The following SOX6 variants were observed in gnomAD, a reference collection of about 807,000 sequenced individuals.
SOX6 encodes the protein SRY-box transcription factor 6.
In SOX6, 11 loss-of-function variants were observed where a neutral mutation model predicts 97.8. That is an observed-to-expected ratio of 0.11 (90% CI 0.07 to 0.19). The LOEUF (loss-of-function observed/expected upper bound fraction) is 0.19, where lower values mean the gene tolerates loss of function less well. Among genes scored for constraint, SOX6 ranks in the 10% least tolerant of loss-of-function variants. SOX6 has a pLI of 1.00. For missense variants in SOX6, 810 were observed against 1,039.5 expected (o/e 0.78, Z 3.04); for synonymous variants, 360 against 371.4 (o/e 0.97, Z 0.35).
chr11:16,608,619 C>T (rs1406481257), intron 4 of SOX6, among the ~76,000 whole-genome samples: 2 of 149,900 alleles, frequency 1.3e-5, no homozygotes, highest in African/African-American at 4.9e-5. Flanking sequence ...AAAGAAAAAG[C>T]AATTCACACA....
At chr11:16,361,339 T>G (rs1857206796), upstream of SOX6, among the ~76,000 whole-genome samples, 1 of 152,064 alleles carries the variant, frequency 6.6e-6, no homozygotes, top group Admixed American at 6.5e-5. Flanking sequence ...GTTCCAAGAT[T>G]AAACAACTCT....
At chr11:16,299,548 T>C (rs879902910) in intron 3 of SOX6, among the ~76,000 whole-genome samples, 5 of 152,204 alleles carry the variant, frequency 3.3e-5, no homozygotes, top group Non-Finnish European at 7.3e-5. Flanking sequence ...ACATTCTTTT[T>C]TTTAAAATCA....
chr11:16,234,818 C>T (rs560521366), intron 3 of SOX6, 147 bp from the exon 4 acceptor site: 33 of 462,920 alleles, frequency 7.1e-5, no homozygotes, highest in African/African-American at 5.7e-4. Context: ...TTACATTATT[C>T]TATAATGTGT....
At chr11:16,515,260 CT>C (rs1264877801) in intron 4 of SOX6, among the ~76,000 whole-genome samples, 1 of 152,102 alleles carries the variant, frequency 6.6e-6, no homozygotes, top group East Asian at 1.9e-4. Flanking sequence ...GAGATGGTAT[CT>C]CATTGTGGTT....
intron 1 of SOX6, among the ~76,000 whole-genome samples, chr11:16,415,774 C>T (rs1858913663): frequency 6.6e-6 from 1 of 152,014 alleles, no homozygotes; most frequent in Non-Finnish European, 1.5e-5. Flanking sequence ...GGGATACTAG[C>T]AAACTTCTAG....
chr11:16,062,530 T>C (rs1847985608), intron 9 of SOX6, among the ~76,000 whole-genome samples: 1 of 151,674 alleles, frequency 6.6e-6, no homozygotes, highest in Admixed American at 6.6e-5. Context: ...CAAAGTCCCA[T>C]AAACATTTAA....
rs796340852 is a variant in SOX6 at position 16,167,898 on chromosome 11, C to T, written c.777+15988G>A. ...TTACTTATCTATTTAATGCCTGCCTCCCCACAGTGGAATGTAAACTTAGCA... is the reference window on the plus strand; with the variant it reads ...TTACTTATCTATTTAATGCCTGCCTTCCCACAGTGGAATGTAAACTTAGCA... On this transcript the variant is annotated intron_variant, in intron 6 of 15. Transcript: ENST00000683767. Among the ~76,000 whole-genome samples, 15 of 152,178 alleles carry T rather than the reference C, an allele frequency of 9.9e-5. No individual in the cohort carries two copies. The South Asian group carries it at 1.4e-3, about 15-fold the overall frequency.
At chr11:16,176,759 T>C (rs897122003) in intron 6 of SOX6, among the ~76,000 whole-genome samples, 1 of 151,904 alleles carries the variant, frequency 6.6e-6, no homozygotes, top group Non-Finnish European at 1.5e-5. Context: ...TTTTGTAAAC[T>C]AGGAAACTGA....
At chr11:16,365,707 G>A (rs940988113) in intron 1 of SOX6, among the ~76,000 whole-genome samples, 2 of 152,038 alleles carry the variant, frequency 1.3e-5, no homozygotes, top group Non-Finnish European at 2.9e-5. Context: ...CAAATGTATA[G>A]AAATTTCAGT....
chr11:16,494,775 C>A (rs1860567381), intron 4 of SOX6, among the ~76,000 whole-genome samples: 1 of 152,112 alleles, frequency 6.6e-6, no homozygotes, highest in East Asian at 1.9e-4. Flanking sequence ...AAGTGAAAGA[C>A]CCTCAGTGGT....
chr11:16,301,893 T>C (rs114858499), intron 3 of SOX6, among the ~76,000 whole-genome samples: 87 of 152,312 alleles, frequency 5.7e-4, no homozygotes, highest in African/African-American at 1.9e-3. Context: ...TCCACCTTCA[T>C]GGAATACTCA....
At chr11:16,263,259 G>T (rs1428873539) in intron 3 of SOX6, among the ~76,000 whole-genome samples, 2 of 151,846 alleles carry the variant, frequency 1.3e-5, no homozygotes. Flanking sequence ...CTAATTTATA[G>T]TTTCCCAAAG....
intron 3 of SOX6, among the ~76,000 whole-genome samples, chr11:16,697,358 G>C (rs1045269061): frequency 6.6e-5 from 10 of 152,190 alleles, no homozygotes; most frequent in African/African-American, 2.4e-4. Flanking sequence ...ATTGGGCCAG[G>C]TGCGGTGGCT....
intron 6 of SOX6, among the ~76,000 whole-genome samples, chr11:16,176,723 T>G (rs1188892301): frequency 2.0e-5 from 3 of 151,904 alleles, no homozygotes; most frequent in African/African-American, 7.2e-5. Flanking sequence ...TAATGACATT[T>G]TAGATGTTAG....
chr11:16,094,544 C>A (rs1489163783), intron 9 of SOX6, among the ~76,000 whole-genome samples: 1 of 151,852 alleles, frequency 6.6e-6, no homozygotes, highest in East Asian at 1.9e-4. Context: ...GCCAAGGCTA[C>A]CTAATTTCTC....
chr11:16,375,928 A>G (rs1857630062), intron 1 of SOX6, among the ~76,000 whole-genome samples: 1 of 152,154 alleles, frequency 6.6e-6, no homozygotes, highest in African/African-American at 2.4e-5. Context: ...AAACACAGGG[A>G]CAGAAAATCA....
In SOX6 at chr11:15,972,534, C is replaced by A; in HGVS notation, c.*275G>T. On this transcript the variant is annotated 3_prime_UTR_variant, in exon 16 of 16. Coordinates refer to ENST00000683767, the MANE Select transcript of SOX6 (RefSeq NM_001367873.1). ...AAATATAAGACTTGTAAGACATCTA[C>A]GGGTTGAGATAAGTTTCAAGTCCTG... 1 of 473,252 alleles carries A rather than the reference C, an allele frequency of 2.1e-6. No homozygotes were observed. Among genetic ancestry groups the A allele is most frequent in the Non-Finnish European group, 3.8e-6 (1 of 263,766 alleles). 29.3% of individuals were successfully genotyped at this position (473,252 alleles called of 1,614,324 possible).
At chr11:16,140,756 C>T (rs771213640) in intron 6 of SOX6, among the ~76,000 whole-genome samples, 5 of 152,166 alleles carry the variant, frequency 3.3e-5, no homozygotes, top group Admixed American at 1.3e-4. Flanking sequence ...TCTTGACACC[C>T]AGGAACCTAG....
intron 4 of SOX6, chr11:16,567,515 C>T (rs1303678223): frequency 6.6e-6 from 1 of 151,798 alleles, no homozygotes; most frequent in Non-Finnish European, 1.5e-5. Context: ...GCTTAGTTAC[C>T]CTAAATACAT....
Sources: allele counts gnomAD v4.1 joint callset (sites outside exome capture counted in the v4.1 genomes callset), GRCh38; gene constraint gnomAD v4.1.1; transcripts MANE v1.5; gene names NCBI Gene and HGNC (gene_info 2026-07-23, HGNC 2026-07-21).